ZNF107: variants seen among roughly 807,000 people sequenced by gnomAD.
ZNF107 encodes zinc finger protein 107.
In ZNF107, 19 loss-of-function variants were observed where a neutral mutation model predicts 12.3. The observed-to-expected ratio is 1.55, with a 90% confidence interval of 1.08 to 2.27. The LOEUF (loss-of-function observed/expected upper bound fraction) is 2.27. Among genes scored for constraint, ZNF107 ranks in the 30% most tolerant of loss-of-function variants. The pLI is 0.00. For synonymous variants in ZNF107, 317 were observed against 330.5 expected (o/e 0.96, Z 0.44); for missense variants, 958 against 979.9 (o/e 0.98, Z 0.30).
chr7:64,697,194 C>T (rs2128965050), intron 3 of ZNF107, among the ~76,000 whole-genome samples: 1 of 152,312 alleles, frequency 6.6e-6, no homozygotes, highest in Middle Eastern at 3.4e-3. Flanking sequence ...ATATGTGCCA[C>T]ATTTTCTTAG....
At chr7:64,697,692 ATT>A (rs35100512) in intron 3 of ZNF107, among the ~76,000 whole-genome samples, 193 of 135,192 alleles carry the variant, frequency 1.4e-3, no homozygotes, top group Middle Eastern at 3.9e-3. Flanking sequence ...GAAACATAGC[ATT>A]TTTTTTTTTT....
At chr7:64,671,139 G>C (rs577038918) in intron 1 of ZNF107, among the ~76,000 whole-genome samples, 1 of 152,144 alleles carries the variant, frequency 6.6e-6, no homozygotes, top group Non-Finnish European at 1.5e-5. Context: ...GGAATGCGAC[G>C]CTCTACCCTC....
intron 1 of ZNF107, among the ~76,000 whole-genome samples, chr7:64,675,418 A>G (rs6460176): frequency 0.35 from 52,930 of 151,946 alleles, 9,723 homozygotes; most frequent in Non-Finnish European, 0.4. Context: ...TTCAACAGTT[A>G]TTTGTGTTTT....
rs910935031 is a variant in ZNF107 at position 64,708,760 on chromosome 7, A to C, written c.*104A>C. The stretch of plus-strand genomic sequence containing the variant: ...TTAACAAGTCTTCAACTTTTTCTGC[A>C]CACACGAGGTATTTTATACTGGTGA... On this transcript the variant is annotated 3_prime_UTR_variant, in exon 4 of 4. Coordinates refer to ENST00000620827, the MANE Select transcript of ZNF107 (RefSeq NM_001282359.2). 2.6e-6 allele frequency: 3 copies of C among 1,145,446 alleles called. No homozygotes were observed. Among genetic ancestry groups the C allele is most frequent in the Non-Finnish European group, 3.7e-6 (3 of 818,780 alleles). The allele number at this position is 1,145,446 out of a possible 1,614,324, so 71.0% of individuals were successfully genotyped here. A position where few individuals can be genotyped will look rare whatever the true frequency, so the allele number is the denominator to read the frequency against.
chr7:64,668,369 A>C (rs533634029), intron 1 of ZNF107, among the ~76,000 whole-genome samples: 31 of 125,298 alleles, frequency 2.5e-4, no homozygotes, highest in Non-Finnish European at 4.2e-4. Flanking sequence ...ATGTGTTCTC[A>C]TTGTTCAATT....
intron 3 of ZNF107, among the ~76,000 whole-genome samples, chr7:64,695,746 C>A (rs2128964385): frequency 6.6e-6 from 1 of 152,208 alleles, no homozygotes; most frequent in Admixed American, 6.5e-5. Context: ...TCTAAGTAGT[C>A]ATGGAAATCA....
chr7:64,700,906 A>G (rs1790456282), intron 3 of ZNF107, among the ~76,000 whole-genome samples: 1 of 152,098 alleles, frequency 6.6e-6, no homozygotes, highest in South Asian at 2.1e-4. Flanking sequence ...AATACAGTCT[A>G]TAATGTTTTC....
chr7:64,690,487 A>G, intron 1 of ZNF107: 1 of 981,294 alleles, frequency 1.0e-6, no homozygotes, highest in Non-Finnish European at 1.2e-6. Context: ...GGTTGCTAAC[A>G]ATTCCCGAAT....
intron 1 of ZNF107, among the ~76,000 whole-genome samples, chr7:64,680,507 C>A (rs750495743): frequency 1.3e-5 from 2 of 152,032 alleles, no homozygotes; most frequent in Non-Finnish European, 2.9e-5. Context: ...CTGGTATGGC[C>A]GGGCGAGATT....
intron 3 of ZNF107, among the ~76,000 whole-genome samples, chr7:64,696,836 A>T (rs112791135): frequency 1.3e-5 from 2 of 152,032 alleles, no homozygotes; most frequent in African/African-American, 4.8e-5. Context: ...ATTTTTTATT[A>T]TACTTTGTTT....
At chr7:64,689,888 C>T (rs1790057570) in intron 1 of ZNF107, 2 of 152,152 alleles carry the variant, frequency 1.3e-5, no homozygotes, top group South Asian at 4.1e-4. Context: ...GGTTGGTATC[C>T]AGTTGAGAGT....
In ZNF107 at chr7:64,708,969, G is replaced by A. The variant is rs1790796009; in HGVS notation, c.*313G>A. Reference sequence around the variant, plus strand: ...TACTGGAGAAAAGCCATACAAATGAGAAGAATGTGGCAATGCCTTTAATCA... The same window carrying A: ...TACTGGAGAAAAGCCATACAAATGAAAAGAATGTGGCAATGCCTTTAATCA... On this transcript the variant is annotated 3_prime_UTR_variant, in exon 4 of 4. Transcript: ENST00000620827. 2 of 474,078 alleles carry A rather than the reference G, an allele frequency of 4.2e-6. No individual in the cohort carries two copies. The highest frequency in any genetic ancestry group is 8.8e-5 in the East Asian group (2 of 22,658). 29.4% of individuals were successfully genotyped at this position (474,078 alleles called of 1,614,324 possible).
chr7:64,709,057 A>T lies in ZNF107; in HGVS notation c.*401A>T, dbSNP rs1790799199. ...GGAGAGGAACTCTATAGTTGTGAAGAATGTGGCAAAGCTTTTAACCAATCC... is the reference window on the plus strand; with the variant it reads ...GGAGAGGAACTCTATAGTTGTGAAGTATGTGGCAAAGCTTTTAACCAATCC... On this transcript the variant is annotated 3_prime_UTR_variant, in exon 4 of 4. Transcript: ENST00000620827. The T allele has an allele frequency of 4.3e-6, 2 of 460,284 alleles. No homozygotes were observed. The highest frequency in any genetic ancestry group is 3.4e-5 in the South Asian group (2 of 58,594). 28.5% of individuals were successfully genotyped at this position (460,284 alleles called of 1,614,324 possible).
intron 1 of ZNF107, among the ~76,000 whole-genome samples, chr7:64,675,712 A>G (rs1374798301): frequency 6.6e-6 from 1 of 152,056 alleles, no homozygotes; most frequent in Non-Finnish European, 1.5e-5. Context: ...GATCTTTTTA[A>G]CTTTTTAATG....
chr7:64,690,719 A>G (rs1199405852), intron 1 of ZNF107, among the ~76,000 whole-genome samples: 1 of 151,952 alleles, frequency 6.6e-6, no homozygotes, highest in Non-Finnish European at 1.5e-5. Flanking sequence ...ATCTGACTAT[A>G]TTTAGCTTTT....
chr7:64,670,959 T>A (rs185140384), intron 1 of ZNF107, among the ~76,000 whole-genome samples: 17 of 152,314 alleles, frequency 1.1e-4, no homozygotes, highest in Non-Finnish European at 2.9e-5. Flanking sequence ...GAGGACAGTG[T>A]TGTGGGACTG....
chr7:64,694,299 T>G (rs1384668178), intron 3 of ZNF107, among the ~76,000 whole-genome samples: 1 of 152,110 alleles, frequency 6.6e-6, no homozygotes, highest in Non-Finnish European at 1.5e-5. Flanking sequence ...ATGACAGAGT[T>G]CAGAATTAGT....
chr7:64,693,551 A>T (rs915248783), intron 3 of ZNF107, among the ~76,000 whole-genome samples: 2 of 151,966 alleles, frequency 1.3e-5, no homozygotes, highest in African/African-American at 4.8e-5. Flanking sequence ...AGTCACAAGG[A>T]TGTTGGGTCT....
At chr7:64,678,285 T>C (rs560997320) in intron 1 of ZNF107, among the ~76,000 whole-genome samples, 12 of 152,208 alleles carry the variant, frequency 7.9e-5, no homozygotes, top group African/African-American at 2.7e-4. Flanking sequence ...TAATGAGGAC[T>C]AAAAAATGCT....
Sources: allele counts gnomAD v4.1 joint callset (sites outside exome capture counted in the v4.1 genomes callset), GRCh38; gene constraint gnomAD v4.1.1; transcripts MANE v1.5; gene names NCBI Gene and HGNC (gene_info 2026-07-23, HGNC 2026-07-21).